CCSER1: variants seen among roughly 807,000 people sequenced by gnomAD.
The protein encoded by CCSER1 is serine-rich coiled-coil domain-containing protein 1.
CCSER1 carries 41 observed loss-of-function variants against 82.0 expected under a neutral mutation model. That is an observed-to-expected ratio of 0.50 (90% CI 0.39 to 0.65). CCSER1 has a LOEUF of 0.65. Among genes scored for constraint, CCSER1 ranks in the 30% least tolerant of loss-of-function variants. The pLI, the probability that CCSER1 is intolerant of heterozygous loss-of-function variation, is 0.00. For synonymous variants in CCSER1, 414 were observed against 383.9 expected (o/e 1.08, Z -0.92); for missense variants, 1,119 against 1,064.2 (o/e 1.05, Z -0.72).
chr4:91,289,197 C>G (rs1163535074), intron 10 of CCSER1, among the ~76,000 whole-genome samples: 1 of 151,940 alleles, frequency 6.6e-6, no homozygotes, highest in East Asian at 1.9e-4. Flanking sequence ...CCTTTATTGA[C>G]CTAGACTCCC....
chr4:90,833,385 G>A (rs1328944304), intron 8 of CCSER1, among the ~76,000 whole-genome samples: 1 of 152,130 alleles, frequency 6.6e-6, no homozygotes, highest in Non-Finnish European at 1.5e-5. Flanking sequence ...ATAAATTTTG[G>A]AGGAGACACA....
chr4:91,020,910 A>G (rs191964378), intron 9 of CCSER1, among the ~76,000 whole-genome samples: 3 of 152,292 alleles, frequency 2.0e-5, no homozygotes, highest in South Asian at 2.1e-4. Context: ...ACTATACACT[A>G]TATCTAATGG....
chr4:90,542,933 T>C (rs888575203), intron 5 of CCSER1, among the ~76,000 whole-genome samples: 1 of 152,164 alleles, frequency 6.6e-6, no homozygotes, highest in Admixed American at 6.5e-5. Flanking sequence ...AATTATTTGC[T>C]CTTTAAAAAG....
intron 10 of CCSER1, among the ~76,000 whole-genome samples, chr4:91,443,195 T>A (rs1196374164): frequency 6.6e-6 from 1 of 152,114 alleles, no homozygotes; most frequent in Non-Finnish European, 1.5e-5. Context: ...GCGGCACTAT[T>A]CATAATAGCA....
At chr4:91,223,805 C>G (rs1307270112) in intron 10 of CCSER1, among the ~76,000 whole-genome samples, 1 of 152,016 alleles carries the variant, frequency 6.6e-6, no homozygotes, top group African/African-American at 2.4e-5. Context: ...TTAAGAAACT[C>G]ATAATATAGA....
At chr4:90,722,252 G>A (rs1285567957) in intron 6 of CCSER1, among the ~76,000 whole-genome samples, 1 of 151,778 alleles carries the variant, frequency 6.6e-6, no homozygotes, top group African/African-American at 2.4e-5. Flanking sequence ...AAGCTATGCA[G>A]GCTGTCCATA....
rs192973147 is a variant in CCSER1 at position 90,496,892 on chromosome 4, C to T, written c.1724+28538C>T. 3.5e-3 allele frequency among the ~76,000 whole-genome samples: 516 copies of T among 146,024 alleles called. 5 individuals carry two copies. The highest frequency in any genetic ancestry group is 0.013 in the African/African-American group (495 of 39,228). ...CTCAGGAGTGCTGAGGCAGGAGAAT[C>T]GCTTGAACCCAGGAGGCGGAGGTTG... On this transcript the variant is annotated intron_variant, in intron 5 of 10. Transcript: ENST00000509176.
chr4:91,496,659 TATATATATATTCAATATATTTGA>T lies in CCSER1; in HGVS notation c.2218-101902_2218-101880del, dbSNP rs1214160434. Among the ~76,000 whole-genome samples the T allele has an allele frequency of 2.9e-3, 76 of 26,340 alleles. 36 individuals are homozygous for T. The highest frequency in any genetic ancestry group is 0.013 in the Admixed American group (31 of 2,462). 17.3% of individuals were successfully genotyped at this position (26,340 alleles called of 152,430 possible). A position where few individuals can be genotyped will look rare whatever the true frequency, so the allele number is the denominator to read the frequency against. On this transcript the variant is annotated intron_variant, in intron 10 of 10. Transcript: ENST00000509176. ...ATATATATATTCAATATATATTGAA[TATATATATATTCAATATATTTGA>T]ATATATATATATTCAATATATATAT...
intron 3 of CCSER1, among the ~76,000 whole-genome samples, chr4:90,371,347 TTACAC>T (rs1412217419): frequency 1.3e-5 from 2 of 152,126 alleles, no homozygotes; most frequent in Non-Finnish European, 2.9e-5. Flanking sequence ...TATTTTATAA[TTACAC>T]TAGCATCTAT....
At position 90,574,536 on chromosome 4, in the gene CCSER1, G is replaced by C. The variant is rs563031558; in HGVS notation, c.1725-53489G>C. Among the ~76,000 whole-genome samples the C allele has an allele frequency of 1.4e-4, 21 of 151,654 alleles. No individual in the cohort carries two copies. In the South Asian group the frequency reaches 4.4e-3, roughly 32 times the overall value. On this transcript the variant is annotated intron_variant, in intron 5 of 10. Coordinates refer to ENST00000509176, the MANE Select transcript of CCSER1 (RefSeq NM_001145065.2). Reference sequence around the variant, plus strand: ...ACCCGCCTCGGCCTCCCAAAGTGCTGGGATTACAGGCGTGAGCCACCGCGC... The same window carrying C: ...ACCCGCCTCGGCCTCCCAAAGTGCTCGGATTACAGGCGTGAGCCACCGCGC...
At chr4:90,349,460 T>C (rs1579320654) in intron 3 of CCSER1, among the ~76,000 whole-genome samples, 2 of 152,138 alleles carry the variant, frequency 1.3e-5, no homozygotes, top group South Asian at 2.1e-4. Context: ...TAGAATTTAC[T>C]TTTCTATCTT....
chr4:91,282,636 C>T (rs917845762), intron 10 of CCSER1, among the ~76,000 whole-genome samples: 48 of 152,208 alleles, frequency 3.2e-4, no homozygotes, highest in South Asian at 4.1e-4. Context: ...TGGATTTGCA[C>T]GTCTTATTTA....
At chr4:91,174,553 T>G (rs1733106682) in intron 10 of CCSER1, among the ~76,000 whole-genome samples, 1 of 152,164 alleles carries the variant, frequency 6.6e-6, no homozygotes, top group Non-Finnish European at 1.5e-5. Context: ...CATCAACCCG[T>G]AATCTAGGTT....
chr4:91,232,165 A>C (rs1042243104), intron 10 of CCSER1, among the ~76,000 whole-genome samples: 1 of 151,882 alleles, frequency 6.6e-6, no homozygotes, highest in African/African-American at 2.4e-5. Flanking sequence ...GCAAGTAAAT[A>C]ATATTTTTCA....
chr4:91,574,464 T>A (rs1763343899), intron 10 of CCSER1, among the ~76,000 whole-genome samples: 1 of 152,030 alleles, frequency 6.6e-6, no homozygotes, highest in Admixed American at 6.6e-5. Flanking sequence ...CACAGCACTA[T>A]TCACAATAGC....
At chr4:91,174,964 T>C (rs192604269) in intron 10 of CCSER1, among the ~76,000 whole-genome samples, 2,027 of 152,122 alleles carry the variant, frequency 0.013, 31 homozygotes, top group African/African-American at 0.036. Context: ...TAATGCTATC[T>C]CTCCCTGCTC....
intron 9 of CCSER1, among the ~76,000 whole-genome samples, chr4:91,075,386 T>G (rs527320610): frequency 5.3e-5 from 8 of 152,180 alleles, no homozygotes; most frequent in Non-Finnish European, 1.0e-4. Flanking sequence ...GGAAATGAAT[T>G]TTTTCCAACC....
At chr4:91,582,531 C>T (rs947782329) in intron 10 of CCSER1, among the ~76,000 whole-genome samples, 8 of 151,434 alleles carry the variant, frequency 5.3e-5, no homozygotes, top group Non-Finnish European at 7.4e-5. Context: ...GTCCTTTGAT[C>T]GATGTGCATC....
chr4:90,796,179 C>T (rs928511585), intron 7 of CCSER1, among the ~76,000 whole-genome samples: 3 of 151,930 alleles, frequency 2.0e-5, no homozygotes, highest in Admixed American at 6.6e-5. Flanking sequence ...GCTTATTATT[C>T]GTCTGTTCAG....
Sources: allele counts gnomAD v4.1 joint callset (sites outside exome capture counted in the v4.1 genomes callset), GRCh38; gene constraint gnomAD v4.1.1; transcripts MANE v1.5; gene names NCBI Gene and HGNC (gene_info 2026-07-23, HGNC 2026-07-21).